Variants in PCOLCE2 observed in about 807,000 individuals in gnomAD.
PCOLCE2 encodes the protein procollagen C-proteinase enhancer 2.
In PCOLCE2, 42 loss-of-function variants were observed where a neutral mutation model predicts 47.0. The ratio of observed to expected loss-of-function variants is 0.89; its 90% confidence interval spans 0.70 to 1.16. The LOEUF is 1.16. Ranked by LOEUF, PCOLCE2 falls within the 50% of genes most tolerant of loss-of-function variation. The pLI, the probability that PCOLCE2 is intolerant of heterozygous loss-of-function variation, is 0.00. For synonymous variants in PCOLCE2, 169 were observed against 191.7 expected (o/e 0.88, Z 0.98); for missense variants, 500 against 526.1 (o/e 0.95, Z 0.49).
Position 142,845,391 on chromosome 3 carries a change from GT to G in PCOLCE2, c.449-2344del, listed in dbSNP as rs562545901. 1.9e-3 allele frequency among the ~76,000 whole-genome samples: 294 copies of G among 152,194 alleles called. 3 individuals are homozygous for G. The Middle Eastern group carries it at 0.024, about 12-fold the overall frequency. On this transcript the variant is annotated intron_variant, in intron 3 of 8. Coordinates refer to ENST00000295992, the MANE Select transcript of PCOLCE2 (RefSeq NM_013363.4). Reference sequence around the variant, plus strand: ...ATATATTCCACAACACAGTGCTAAGGTTTTTTTGTTTTGAACAGATACATGT... The same window carrying G: ...ATATATTCCACAACACAGTGCTAAGGTTTTTTGTTTTGAACAGATACATGT...
At chr3:142,877,128 A>C (rs1167363823) in intron 2 of PCOLCE2, among the ~76,000 whole-genome samples, 2 of 152,210 alleles carry the variant, frequency 1.3e-5, no homozygotes, top group African/African-American at 4.8e-5. Context: ...AGGTAAATTA[A>C]AGTCTCCATC....
At chr3:142,846,451 T>C (rs1358498073) in intron 3 of PCOLCE2, among the ~76,000 whole-genome samples, 1 of 152,160 alleles carries the variant, frequency 6.6e-6, no homozygotes, top group Non-Finnish European at 1.5e-5. Context: ...CTGCCTGCCT[T>C]GGCCTCCCAA....
In PCOLCE2 at chr3:142,872,778, T is replaced by C. The variant is rs140515941; in HGVS notation, c.192+14891A>G. Among the ~76,000 whole-genome samples, 324 of 152,260 alleles carry C rather than the reference T, an allele frequency of 2.1e-3. 1 individual carries two copies. Among genetic ancestry groups the C allele is most frequent in the African/African-American group, 6.4e-3 (264 of 41,552 alleles). The stretch of plus-strand genomic sequence containing the variant: ...TCATATTTACTCCAGGGTGACTGAA[T>C]ACATATCTTGGGCAAGTGTGAAAAT... On this transcript the variant is annotated intron_variant, in intron 2 of 8. Transcript: ENST00000295992.
intron 3 of PCOLCE2, chr3:142,846,757 G>A (rs1029660250): frequency 1.3e-5 from 2 of 151,896 alleles, no homozygotes; most frequent in South Asian, 2.1e-4. Flanking sequence ...GAGTACAATA[G>A]GTAAATTTTA....
intron 2 of PCOLCE2, among the ~76,000 whole-genome samples, chr3:142,876,100 T>C (rs1183743810): frequency 6.6e-6 from 1 of 152,172 alleles, no homozygotes; most frequent in African/African-American, 2.4e-5. Context: ...AGGTTTCCAC[T>C]CAAATGTCAC....
At chr3:142,856,299 T>C (rs1933056342) in intron 2 of PCOLCE2, among the ~76,000 whole-genome samples, 1 of 152,160 alleles carries the variant, frequency 6.6e-6, no homozygotes, top group African/African-American at 2.4e-5. Context: ...TGCAAAAGTG[T>C]AACTAGGCCC....
chr3:142,850,311 CT>C (rs1256417954), intron 2 of PCOLCE2, among the ~76,000 whole-genome samples: 3 of 152,110 alleles, frequency 2.0e-5, no homozygotes, highest in Non-Finnish European at 4.4e-5. Flanking sequence ...GAATCTCAAA[CT>C]AATTTGTTTT....
chr3:142,844,926 A>G (rs2108195481), intron 3 of PCOLCE2, among the ~76,000 whole-genome samples: 1 of 152,226 alleles, frequency 6.6e-6, no homozygotes, highest in East Asian at 1.9e-4. Context: ...CTTTCAACCA[A>G]CTTGGTCTTT....
At chr3:142,829,976 G>T (rs575808020) in intron 5 of PCOLCE2, 130 bp from the exon 6 acceptor site, 2 of 535,936 alleles carry the variant, frequency 3.7e-6, no homozygotes, top group South Asian at 3.2e-5. Flanking sequence ...AAGTTAAAAC[G>T]TTTAAAAATA....
At chr3:142,887,648 A>G in intron 2 of PCOLCE2, 21 bp downstream of exon 2, 1 of 1,234,484 alleles carries the variant, frequency 8.1e-7, no homozygotes, top group East Asian at 2.3e-5. Flanking sequence ...CCAGGAGAAT[A>G]CCTTTTTAAA....
At position 142,856,086 on chromosome 3, in the gene PCOLCE2, C is replaced by T. The variant is rs115129110; in HGVS notation, c.193-7614G>A. On this transcript the variant is annotated intron_variant, in intron 2 of 8. Coordinates refer to ENST00000295992, the MANE Select transcript of PCOLCE2 (RefSeq NM_013363.4). ...GGCTCTCTAGGAATCAACAGTGTGA[C>T]GTGGCCACCAAGCAAGCCAACACAG... Among the ~76,000 whole-genome samples, 1,050 of 152,196 alleles carry T rather than the reference C, an allele frequency of 6.9e-3. 12 individuals are homozygous for T. The highest frequency in any genetic ancestry group is 0.023 in the African/African-American group (966 of 41,528).
At chr3:142,879,619 A>T (rs1295252763) in intron 2 of PCOLCE2, among the ~76,000 whole-genome samples, 2 of 152,160 alleles carry the variant, frequency 1.3e-5, no homozygotes, top group Non-Finnish European at 2.9e-5. Context: ...AAACTTTTTA[A>T]TTTTTCTGCT....
At chr3:142,831,600 T>C (rs1425330283) in intron 5 of PCOLCE2, among the ~76,000 whole-genome samples, 1 of 152,208 alleles carries the variant, frequency 6.6e-6, no homozygotes, top group Non-Finnish European at 1.5e-5. Context: ...TATTCTATCA[T>C]GCTTTTGAAA....
In PCOLCE2 at chr3:142,851,171, C is replaced by T. The variant is rs568998633; in HGVS notation, c.193-2699G>A. 5.9e-5 allele frequency among the ~76,000 whole-genome samples: 9 copies of T among 152,232 alleles called. No individual in the cohort carries two copies. In the South Asian group the frequency reaches 1.5e-3, roughly 25 times the overall value. ...GCAGCAAATGTGGAAGAGAGAGGCACTACTGGGAATCTGATAACAGAAGAG... is the reference window on the plus strand; with the variant it reads ...GCAGCAAATGTGGAAGAGAGAGGCATTACTGGGAATCTGATAACAGAAGAG... On this transcript the variant is annotated intron_variant, in intron 2 of 8. Transcript: ENST00000295992.
intron 2 of PCOLCE2, among the ~76,000 whole-genome samples, chr3:142,854,271 T>G (rs1933017307): frequency 6.6e-6 from 1 of 152,048 alleles, no homozygotes; most frequent in African/African-American, 2.4e-5. Context: ...AAACAAACCT[T>G]TGGGAACGTG....
chr3:142,878,022 T>C (rs1933533382), intron 2 of PCOLCE2, among the ~76,000 whole-genome samples: 1 of 152,212 alleles, frequency 6.6e-6, no homozygotes, highest in African/African-American at 2.4e-5. Flanking sequence ...TATCATTCAT[T>C]TCCAGGAGCA....
At chr3:142,887,882 G>A (rs1382861202) in intron 1 of PCOLCE2, 105 bp from the exon 2 acceptor site, 3 of 661,268 alleles carry the variant, frequency 4.5e-6, no homozygotes, top group Admixed American at 2.8e-5. Flanking sequence ...AAAAGTTAAT[G>A]TTGATTAATC....
chr3:142,874,689 A>G (rs913123438), intron 2 of PCOLCE2, among the ~76,000 whole-genome samples: 11 of 152,190 alleles, frequency 7.2e-5, no homozygotes, highest in Non-Finnish European at 1.6e-4. Context: ...TGAATTGATT[A>G]ATCAATTCAT....
chr3:142,873,846 G>T (rs556936503), intron 2 of PCOLCE2, among the ~76,000 whole-genome samples: 2 of 152,264 alleles, frequency 1.3e-5, no homozygotes, highest in African/African-American at 4.8e-5. Flanking sequence ...ACATAGCAGG[G>T]GAGGACACAG....
Sources: allele counts gnomAD v4.1 joint callset (sites outside exome capture counted in the v4.1 genomes callset), GRCh38; gene constraint gnomAD v4.1.1; transcripts MANE v1.5; gene names NCBI Gene and HGNC (gene_info 2026-07-23, HGNC 2026-07-21).